Variants in RGS6 observed in about 807,000 individuals in gnomAD.
RGS6 encodes the protein regulator of G-protein signaling 6.
In RGS6, 30 loss-of-function variants were observed where a neutral mutation model predicts 78.5. That is an observed-to-expected ratio of 0.38 (90% CI 0.29 to 0.52). RGS6 has a LOEUF of 0.52. Among genes scored for constraint, RGS6 ranks in the 20% least tolerant of loss-of-function variants. The pLI is 0.85. For missense variants in RGS6, 495 were observed against 609.7 expected, an observed-to-expected ratio of 0.81 and a Z score of 1.98; for synonymous variants, 206 against 206.0, an observed-to-expected ratio of 1.00 and a Z score of 0.00.
intron 2 of RGS6, among the ~76,000 whole-genome samples, chr14:72,111,550 G>A (rs532246031): frequency 1.3e-5 from 2 of 152,214 alleles, no homozygotes; most frequent in East Asian, 1.9e-4. Flanking sequence ...TTCAAAATAC[G>A]CTTTGAACAA....
chr14:71,923,648 T>C, the RGS6 span, among the ~76,000 whole-genome samples: 1 of 152,046 alleles, frequency 6.6e-6, no homozygotes, highest in African/African-American at 2.4e-5. Context: ...CATGAGTGAA[T>C]CTAAAAAGAC....
At chr14:72,138,753 C>T (rs1380888602) in intron 2 of RGS6, among the ~76,000 whole-genome samples, 1 of 152,050 alleles carries the variant, frequency 6.6e-6, no homozygotes, top group African/African-American at 2.4e-5. Context: ...CTGTTGTGAA[C>T]TGCATATGTG....
intron 17 of RGS6, among the ~76,000 whole-genome samples, chr14:72,554,151 T>C (rs923946874): frequency 6.6e-6 from 1 of 152,240 alleles, no homozygotes; most frequent in Non-Finnish European, 1.5e-5. Context: ...CAAATGGGCA[T>C]GGACATTCAC....
intron 3 of RGS6, among the ~76,000 whole-genome samples, chr14:72,357,189 T>C (rs2080487057): frequency 6.6e-6 from 1 of 151,924 alleles, no homozygotes; most frequent in African/African-American, 2.4e-5. Flanking sequence ...GGAGAATCAC[T>C]TGAGCCCAGG....
rs553865619 is a variant in RGS6, at chr14:72,114,024, T to C, written c.84+149149T>C. Among the ~76,000 whole-genome samples, 15 of 152,310 alleles carry C rather than the reference T, an allele frequency of 9.8e-5. No individual in the cohort carries two copies. In the South Asian group the frequency reaches 2.9e-3, roughly 29 times the overall value. Reference sequence around the variant, plus strand: ...AAATCAAGAGGAAATGGCTGTTGTATTGTAAAAGACAAAGGACTTCTACCC... The same window carrying C: ...AAATCAAGAGGAAATGGCTGTTGTACTGTAAAAGACAAAGGACTTCTACCC... On this transcript the variant is annotated intron_variant, in intron 2 of 17. Transcript: ENST00000553525.
chr14:72,042,399 G>T (rs2092497432), intron 2 of RGS6, among the ~76,000 whole-genome samples: 1 of 151,952 alleles, frequency 6.6e-6, no homozygotes, highest in Admixed American at 6.6e-5. Context: ...AAAGTGCTGG[G>T]ATTATGGGCA....
At chr14:72,138,500 A>G (rs888667925) in intron 2 of RGS6, among the ~76,000 whole-genome samples, 1 of 105,364 alleles carries the variant, frequency 9.5e-6, no homozygotes, top group African/African-American at 3.8e-5. Flanking sequence ...GAGTTCTTCT[A>G]TCTCAGAAGA....
chr14:71,991,420 A>C (rs764595329), intron 2 of RGS6, among the ~76,000 whole-genome samples: 2 of 152,182 alleles, frequency 1.3e-5, no homozygotes, highest in Non-Finnish European at 2.9e-5. Flanking sequence ...TATTTCTCTC[A>C]CCAATGAAAA....
At position 72,536,269 on chromosome 14, in the gene RGS6, G is replaced by A. The variant is rs775053251; in HGVS notation, c.1362G>A (p.Lys454=). ...CTTACCAGGATTTGCTGCTGGCCAA[G>A]AAGAAGGTATCTTTGGGAAGGGCAG... ...SNAYQDLLLA[K]KKPESEQGRR... The change falls in exon 16 of 18, where the codon AAG becomes AAA. Residue 454 remains lysine (K), a synonymous_variant. Transcript: ENST00000553525. 6.2e-7 allele frequency: 1 copy of A among 1,613,624 alleles called. No homozygotes were observed. Among genetic ancestry groups the A allele is most frequent in the Non-Finnish European group, 8.5e-7 (1 of 1,179,596 alleles).
At chr14:72,408,564 T>C (rs1378720963) in intron 3 of RGS6, among the ~76,000 whole-genome samples, 1 of 152,152 alleles carries the variant, frequency 6.6e-6, no homozygotes, top group African/African-American at 2.4e-5. Context: ...TGGGACTCTA[T>C]CATCAGGTAC....
At chr14:72,608,597 A>T in the RGS6 span, among the ~76,000 whole-genome samples, 4 of 152,062 alleles carry the variant, frequency 2.6e-5, no homozygotes, top group African/African-American at 9.7e-5. Context: ...TCTCCTAGAA[A>T]ATCTAGGGGG....
chr14:72,287,443 A>T (rs2062773374), intron 2 of RGS6, among the ~76,000 whole-genome samples: 1 of 152,002 alleles, frequency 6.6e-6, no homozygotes. Flanking sequence ...GGATTGTCAT[A>T]TGTGACCTTT....
intron 3 of RGS6, among the ~76,000 whole-genome samples, chr14:72,451,534 T>G (rs1235386291): frequency 6.6e-6 from 1 of 152,048 alleles, no homozygotes; most frequent in Non-Finnish European, 1.5e-5. Context: ...GGAAGGAGTT[T>G]CAATGTGAAT....
At chr14:72,482,278 C>T (rs1363753528) in intron 12 of RGS6, among the ~76,000 whole-genome samples, 2 of 152,172 alleles carry the variant, frequency 1.3e-5, no homozygotes, top group African/African-American at 4.8e-5. Context: ...AGGTGCCCTG[C>T]TTCCCCTTCC....
At chr14:72,252,724 G>C (rs2056110748) in intron 2 of RGS6, among the ~76,000 whole-genome samples, 1 of 152,174 alleles carries the variant, frequency 6.6e-6, no homozygotes, top group Non-Finnish European at 1.5e-5. Flanking sequence ...GTCATGATGG[G>C]GGGAGGGGTG....
Position 72,099,376 on chromosome 14 carries a change from G to T in RGS6, c.84+134501G>T, listed in dbSNP as rs148754269. 7.2e-5 allele frequency among the ~76,000 whole-genome samples: 11 copies of T among 152,164 alleles called. No individual in the cohort carries two copies. The East Asian group carries it at 2.1e-3, about 29-fold the overall frequency. On this transcript the variant is annotated intron_variant, in intron 2 of 17. Coordinates refer to ENST00000553525, the MANE Select transcript of RGS6 (RefSeq NM_001204424.2). The stretch of plus-strand genomic sequence containing the variant: ...GGGTTTCACCGTGTTAGCCAGGATG[G>T]TCTCGACCTCCTGACCTGGTGATCT...
chr14:72,503,592 G>A (rs1203173181), intron 13 of RGS6, among the ~76,000 whole-genome samples: 1 of 149,592 alleles, frequency 6.7e-6, no homozygotes, highest in East Asian at 2.0e-4. Context: ...GAGAGAGAGA[G>A]AAATAGGAAA....
At chr14:72,056,099 A>T (rs987504698) in intron 2 of RGS6, among the ~76,000 whole-genome samples, 1 of 152,244 alleles carries the variant, frequency 6.6e-6, no homozygotes, top group Non-Finnish European at 1.5e-5. Context: ...TAACAAAGTG[A>T]TTATGATGTA....
chr14:72,126,769 G>A (rs2153581071), intron 2 of RGS6, among the ~76,000 whole-genome samples: 1 of 152,304 alleles, frequency 6.6e-6, no homozygotes, highest in East Asian at 1.9e-4. Flanking sequence ...ATTGTCACCT[G>A]GCTGGGCTTA....
Sources: allele counts gnomAD v4.1 joint callset (sites outside exome capture counted in the v4.1 genomes callset), GRCh38; gene constraint gnomAD v4.1.1; transcripts MANE v1.5; gene names NCBI Gene and HGNC (gene_info 2026-07-23, HGNC 2026-07-21).